IGF2BP3: variants seen among roughly 807,000 people sequenced by gnomAD.
The protein encoded by IGF2BP3 is insulin-like growth factor 2 mRNA-binding protein 3.
A neutral mutation model predicts 73.8 loss-of-function variants in IGF2BP3; 9 were observed. The ratio of observed to expected loss-of-function variants is 0.12; its 90% CI spans 0.07 to 0.21. The LOEUF is 0.21. IGF2BP3 is among the 10% of genes least tolerant of loss of function. IGF2BP3 has a pLI of 1.00. For synonymous variants in IGF2BP3, 258 were observed against 256.7 expected, an observed-to-expected ratio of 1.01 and a Z score of -0.05; for missense variants, 542 against 714.0, an observed-to-expected ratio of 0.76 and a Z score of 2.75.
intron 2 of IGF2BP3, among the ~76,000 whole-genome samples, chr7:23,433,318 C>T (rs1787733493): frequency 1.3e-5 from 2 of 152,066 alleles, no homozygotes; most frequent in African/African-American, 4.8e-5. Context: ...AAAGAAGCCA[C>T]TAGCCACATG....
At chr7:23,431,793 G>A (rs1223183017) in intron 2 of IGF2BP3, among the ~76,000 whole-genome samples, 1 of 152,036 alleles carries the variant, frequency 6.6e-6, no homozygotes, top group African/African-American at 2.4e-5. Context: ...AATTTCTGGG[G>A]GTGGGGCAGG....
rs1193731461 is a variant in IGF2BP3, at chr7:23,388,145, G to A, written c.286-26404C>T. Among the ~76,000 whole-genome samples the A allele has an allele frequency of 2.0e-5, 3 of 152,086 alleles. No individual in the cohort carries two copies. In the South Asian group the frequency reaches 6.2e-4, roughly 32 times the overall value. ...GTAGAGGCGGGGTTTCACCGTGTTA[G>A]CCAGGATGGTCTCAATCTCCTGACC... On this transcript the variant is annotated intron_variant, in intron 3 of 14. Transcript: ENST00000258729.
intron 3 of IGF2BP3, among the ~76,000 whole-genome samples, chr7:23,390,292 T>C (rs1352120620): frequency 6.6e-6 from 1 of 152,124 alleles, no homozygotes; most frequent in East Asian, 1.9e-4. Flanking sequence ...AACTTTACTT[T>C]CCAAATTTTA....
At chr7:23,315,143 A>G (rs1372932734) in intron 12 of IGF2BP3, among the ~76,000 whole-genome samples, 3 of 148,822 alleles carry the variant, frequency 2.0e-5, no homozygotes, top group African/African-American at 7.5e-5. Context: ...TATTTTTTTT[A>G]GAGACAGAGT....
chr7:23,429,859 T>C (rs895732631), intron 2 of IGF2BP3, among the ~76,000 whole-genome samples: 2 of 152,190 alleles, frequency 1.3e-5, no homozygotes, highest in Non-Finnish European at 2.9e-5. Flanking sequence ...GTATTAGACC[T>C]GCAACCTTTC....
At chr7:23,388,780 A>G (rs1031486940) in intron 3 of IGF2BP3, among the ~76,000 whole-genome samples, 3 of 152,028 alleles carry the variant, frequency 2.0e-5, no homozygotes, top group Admixed American at 6.5e-5. Context: ...TCTTCATACT[A>G]TCTCTGGGGG....
chr7:23,354,774 C>CA (rs1435408106), intron 5 of IGF2BP3, among the ~76,000 whole-genome samples: 2 of 152,200 alleles, frequency 1.3e-5, no homozygotes, highest in Non-Finnish European at 2.9e-5. Flanking sequence ...TTCTGGGCCC[C>CA]AATGGCTCCA....
At chr7:23,423,951 C>T (rs1011108855) in intron 2 of IGF2BP3, among the ~76,000 whole-genome samples, 39 of 151,718 alleles carry the variant, frequency 2.6e-4, no homozygotes, top group African/African-American at 8.7e-4. Context: ...AACCTCGTCT[C>T]TACTAAAAAC....
At chr7:23,450,286 G>A (rs1332480489) in intron 2 of IGF2BP3, among the ~76,000 whole-genome samples, 1 of 152,196 alleles carries the variant, frequency 6.6e-6, no homozygotes, top group Non-Finnish European at 1.5e-5. Flanking sequence ...AGTTGTTTGA[G>A]TTGCAAGACG....
In IGF2BP3 at chr7:23,403,021, G is replaced by C. The variant is rs138301462; in HGVS notation, c.285+15755C>G. Among the ~76,000 whole-genome samples, 16 of 152,330 alleles carry C rather than the reference G, an allele frequency of 1.1e-4. No individual in the cohort carries two copies. The East Asian group carries it at 3.1e-3, about 29-fold the overall frequency. ...GTGCAGTACAGCTTCACACAATAAA[G>C]AGAGGTGGCCTCATGTCCTGCACAG... is the stretch of plus-strand genomic sequence containing the variant. On this transcript the variant is annotated intron_variant, in intron 3 of 14. Transcript: ENST00000258729.
At chr7:23,350,849 A>C (rs1784941924) in intron 6 of IGF2BP3, among the ~76,000 whole-genome samples, 1 of 152,262 alleles carries the variant, frequency 6.6e-6, no homozygotes, top group African/African-American at 2.4e-5. Flanking sequence ...GCTTAATCAG[A>C]GGAAAAATTC....
intron 2 of IGF2BP3, among the ~76,000 whole-genome samples, chr7:23,445,383 A>G (rs190259354): frequency 1.3e-5 from 2 of 151,902 alleles, no homozygotes; most frequent in East Asian, 1.9e-4. Context: ...ACTATAGAGT[A>G]TTATTTAGTA....
chr7:23,323,482 C>G (rs1251866520), intron 10 of IGF2BP3, among the ~76,000 whole-genome samples: 8 of 146,068 alleles, frequency 5.5e-5, no homozygotes, highest in African/African-American at 1.6e-4. Flanking sequence ...GAGACTTTAA[C>G]ACCCCACTGT....
chr7:23,439,776 T>C (rs1437940975), intron 2 of IGF2BP3, among the ~76,000 whole-genome samples: 1 of 152,016 alleles, frequency 6.6e-6, no homozygotes, highest in Non-Finnish European at 1.5e-5. Flanking sequence ...ACATTTAACA[T>C]AAACAAAGAA....
At chr7:23,442,893 A>G (rs945382438) in intron 2 of IGF2BP3, among the ~76,000 whole-genome samples, 1 of 152,114 alleles carries the variant, frequency 6.6e-6, no homozygotes, top group Non-Finnish European at 1.5e-5. Context: ...CAGTATGTAA[A>G]CCAAATTAAA....
chr7:23,456,220 A>G (rs1584064767), intron 2 of IGF2BP3, among the ~76,000 whole-genome samples: 1 of 62,522 alleles, frequency 1.6e-5, no homozygotes, highest in African/African-American at 6.8e-5. Context: ...AACCAGCTGG[A>G]AAAAAAAAAA....
intron 2 of IGF2BP3, among the ~76,000 whole-genome samples, chr7:23,456,808 G>C (rs971434760): frequency 2.0e-5 from 3 of 152,198 alleles, no homozygotes; most frequent in African/African-American, 7.2e-5. Context: ...CCAGCACTTT[G>C]GGAGGCCGCG....
chr7:23,325,135 C>G (rs1784259575), intron 10 of IGF2BP3, among the ~76,000 whole-genome samples: 4 of 151,982 alleles, frequency 2.6e-5, no homozygotes, highest in Admixed American at 2.0e-4. Context: ...TCCAATTGTC[C>G]CTGTTTGCAG....
intron 3 of IGF2BP3, among the ~76,000 whole-genome samples, chr7:23,411,217 T>C (rs1396356463): frequency 6.6e-6 from 1 of 152,230 alleles, no homozygotes; most frequent in African/African-American, 2.4e-5. Context: ...AACGTCACTG[T>C]TTCTACAGAT....
Sources: allele counts gnomAD v4.1 joint callset (sites outside exome capture counted in the v4.1 genomes callset), GRCh38; gene constraint gnomAD v4.1.1; transcripts MANE v1.5; gene names NCBI Gene and HGNC (gene_info 2026-07-23, HGNC 2026-07-21).